Variants in TNS3 observed in about 807,000 individuals in gnomAD.
TNS3 encodes the protein tensin 3.
A neutral mutation model predicts 140.9 loss-of-function variants in TNS3; 45 were observed. That is an observed-to-expected ratio of 0.32 (90% CI 0.25 to 0.41). The LOEUF (loss-of-function observed/expected upper bound fraction) is 0.41. Ranked by LOEUF, TNS3 falls within the 10% of genes least tolerant of loss-of-function variation. The pLI, the probability that TNS3 is intolerant of heterozygous loss-of-function variation, is 1.00. For missense variants in TNS3, 1,716 were observed against 1,906.7 expected, an observed-to-expected ratio of 0.90 and a Z score of 1.86; for synonymous variants, 815 against 788.4, an observed-to-expected ratio of 1.03 and a Z score of -0.56.
At chr7:47,300,428 C>T (rs761598426) in intron 23 of TNS3, among the ~76,000 whole-genome samples, 6 of 152,248 alleles carry the variant, frequency 3.9e-5, no homozygotes, top group Admixed American at 6.5e-5. Flanking sequence ...AGCCCCTACA[C>T]ATACTGCACA....
In TNS3 at chr7:47,356,130, G is replaced by A. The variant is rs138030124; in HGVS notation, c.2282-9774C>T. 2.0e-3 allele frequency among the ~76,000 whole-genome samples: 308 copies of A among 152,276 alleles called. 1 individual carries two copies. The highest frequency in any genetic ancestry group is 3.3e-3 in the Non-Finnish European group (227 of 68,024). On this transcript the variant is annotated intron_variant, in intron 17 of 30. Transcript: ENST00000311160. ...AAATCTTAGAACCACCCTGCGGCACGTTCCAGCCTCAATGAGCCAAGGGCC... is the reference window on the plus strand; with the variant it reads ...AAATCTTAGAACCACCCTGCGGCACATTCCAGCCTCAATGAGCCAAGGGCC...
intron 2 of TNS3, among the ~76,000 whole-genome samples, chr7:47,511,998 C>A (rs1476423104): frequency 6.6e-6 from 1 of 152,244 alleles, no homozygotes; most frequent in South Asian, 2.1e-4. Flanking sequence ...TCCACCTGTT[C>A]CCATGGGGAC....
chr7:47,400,694 G>A lies in TNS3; in HGVS notation c.853+91C>T, dbSNP rs1304028938. ...AATTTTGTCAGTAGGCTGAATTTTG[G>A]AAAGAGGGTAAAGGGGATAGTGAAA... On this transcript the variant is annotated intron_variant, in intron 14 of 30. Coordinates refer to ENST00000311160, the MANE Select transcript of TNS3 (RefSeq NM_022748.12). 7 of 1,543,778 alleles carry A rather than the reference G, an allele frequency of 4.5e-6. No homozygotes were observed. In the South Asian group the frequency reaches 7.5e-5, roughly 17 times the overall value.
At chr7:47,471,176 A>C (rs992451057) in intron 4 of TNS3, among the ~76,000 whole-genome samples, 4 of 152,088 alleles carry the variant, frequency 2.6e-5, no homozygotes, top group Non-Finnish European at 5.9e-5. Flanking sequence ...AAAAGTGTGG[A>C]TCAAAGTTCA....
intron 3 of TNS3, among the ~76,000 whole-genome samples, chr7:47,493,480 A>G (rs1562801441): frequency 6.6e-6 from 1 of 152,168 alleles, no homozygotes; most frequent in Admixed American, 6.5e-5. Flanking sequence ...TAACAATCAC[A>G]TGATGAACAG....
intron 16 of TNS3, among the ~76,000 whole-genome samples, chr7:47,393,893 C>T (rs73326574): frequency 0.072 from 11,015 of 152,026 alleles, 713 homozygotes; most frequent in African/African-American, 0.16. Flanking sequence ...CACCCACTCC[C>T]AACTGGCTCC....
chr7:47,527,360 C>A (rs912489677), intron 2 of TNS3, among the ~76,000 whole-genome samples: 1 of 152,234 alleles, frequency 6.6e-6, no homozygotes, highest in African/African-American at 2.4e-5. Context: ...AAAGCCCCTA[C>A]TGGACCCTGT....
intron 16 of TNS3, among the ~76,000 whole-genome samples, chr7:47,370,609 C>T (rs1002064818): frequency 4.6e-5 from 7 of 152,368 alleles, no homozygotes; most frequent in African/African-American, 1.4e-4. Context: ...CCAATTGCCG[C>T]GACCACACAT....
At chr7:47,420,792 T>C (rs6944112) in intron 10 of TNS3, among the ~76,000 whole-genome samples, 2,578 of 152,326 alleles carry the variant, frequency 0.017, 65 homozygotes, top group African/African-American at 0.059. Flanking sequence ...TTTTCTGCCT[T>C]ATATCCCTCA....
At chr7:47,405,364 G>A in intron 13 of TNS3, 1 of 605,022 alleles carries the variant, frequency 1.7e-6, no homozygotes, top group Non-Finnish European at 2.9e-6. Context: ...TGGTGGCCCA[G>A]GCAACTGTCT....
intron 17 of TNS3, among the ~76,000 whole-genome samples, chr7:47,362,965 A>G (rs1562638361): frequency 0.014 from 4 of 292 alleles, no homozygotes; most frequent in Non-Finnish European, 0.042. Flanking sequence ...CACCATCATC[A>G]GAGTCATTTA....
chr7:47,555,176 G>C (rs1009082342), intron 1 of TNS3, among the ~76,000 whole-genome samples: 2 of 152,104 alleles, frequency 1.3e-5, no homozygotes, highest in African/African-American at 4.8e-5. Context: ...TGAGGCGGGT[G>C]GATCACCTGA....
intron 1 of TNS3, among the ~76,000 whole-genome samples, chr7:47,547,691 T>C (rs1407001801): frequency 6.6e-6 from 1 of 152,114 alleles, no homozygotes; most frequent in African/African-American, 2.4e-5. Flanking sequence ...GCCCCACGTC[T>C]ACGCCGCCAT....
intron 1 of TNS3, among the ~76,000 whole-genome samples, chr7:47,564,193 C>CAAAAA (rs57005793): frequency 9.2e-5 from 9 of 97,922 alleles, no homozygotes; most frequent in African/African-American, 1.6e-4. Context: ...GACTCTGTCT[C>CAAAAA]AAAAAAAAAA....
intron 17 of TNS3, among the ~76,000 whole-genome samples, chr7:47,360,468 G>A (rs928768589): frequency 1.3e-5 from 2 of 152,176 alleles, no homozygotes; most frequent in Non-Finnish European, 2.9e-5. Context: ...CATGTCCAGC[G>A]CCCGGGGCCC....
intron 27 of TNS3, among the ~76,000 whole-genome samples, chr7:47,288,127 C>T (rs1448890945): frequency 2.0e-5 from 3 of 152,100 alleles, no homozygotes; most frequent in Admixed American, 2.0e-4. Context: ...TTGCGTGTGC[C>T]CTGGTGCTAC....
At position 47,385,841 on chromosome 7, in the gene TNS3, C is replaced by T. The variant is rs114941585; in HGVS notation, c.1024+10959G>A. On this transcript the variant is annotated intron_variant, in intron 16 of 30. Coordinates refer to ENST00000311160, the MANE Select transcript of TNS3 (RefSeq NM_022748.12). Reference sequence around the variant, plus strand: ...CAGCAGCATCCCAGACTCACTGCTACGAGTTCAGGGGCAATGTATGGCTAC... The same window carrying T: ...CAGCAGCATCCCAGACTCACTGCTATGAGTTCAGGGGCAATGTATGGCTAC... Among the ~76,000 whole-genome samples, 932 of 152,198 alleles carry T rather than the reference C, an allele frequency of 6.1e-3. 4 individuals carry two copies. Among genetic ancestry groups the T allele is most frequent in the African/African-American group, 0.021 (874 of 41,518 alleles).
intron 17 of TNS3, among the ~76,000 whole-genome samples, chr7:47,350,883 C>T (rs528490443): frequency 1.6e-4 from 25 of 152,154 alleles, no homozygotes; most frequent in Non-Finnish European, 3.4e-4. Context: ...GACAAACACG[C>T]TCCAACATTA....
At chr7:47,331,252 C>G (rs1167017533) in intron 20 of TNS3, among the ~76,000 whole-genome samples, 1 of 152,180 alleles carries the variant, frequency 6.6e-6, no homozygotes, top group Non-Finnish European at 1.5e-5. Context: ...AAGAGGGATA[C>G]TAGAATGCCT....
Sources: gnomAD v4.1 joint callset for allele counts (sites outside exome capture counted in the v4.1 genomes callset) on GRCh38, gnomAD v4.1.1 for gene constraint, MANE v1.5 for transcripts, NCBI Gene and HGNC (gene_info 2026-07-23, HGNC 2026-07-21) for gene names.